The following ADGRB3 variants were observed in gnomAD, a reference collection of about 807,000 sequenced individuals.
ADGRB3 encodes the protein brain-specific angiogenesis inhibitor 3.
A neutral mutation model predicts 193.4 loss-of-function variants in ADGRB3; 37 were observed. The ratio of observed to expected loss-of-function variants is 0.19; its 90% CI spans 0.15 to 0.25. The LOEUF is 0.25. Among genes scored for constraint, ADGRB3 ranks in the 10% least tolerant of loss-of-function variants. The pLI is 1.00. For missense variants in ADGRB3, 1,637 were observed against 1,852.9 expected, an observed-to-expected ratio of 0.88 and a Z score of 2.14; for synonymous variants, 690 against 644.2, an observed-to-expected ratio of 1.07 and a Z score of -1.08.
intron 3 of ADGRB3, among the ~76,000 whole-genome samples, chr6:68,641,970 A>T (rs994965240): frequency 3.3e-5 from 5 of 152,048 alleles, no homozygotes; most frequent in Non-Finnish European, 5.9e-5. Flanking sequence ...ATCATATCTC[A>T]TTTTATTCCA....
intron 3 of ADGRB3, among the ~76,000 whole-genome samples, chr6:68,920,949 A>G (rs1562086587): frequency 6.6e-6 from 1 of 152,212 alleles, no homozygotes; most frequent in Non-Finnish European, 1.5e-5. Flanking sequence ...ATGCTGATTA[A>G]TTAAAGAGAT....
intron 17 of ADGRB3, among the ~76,000 whole-genome samples, chr6:69,166,864 AAT>A (rs772773242): frequency 2.7e-4 from 41 of 152,170 alleles, no homozygotes; most frequent in Non-Finnish European, 5.3e-4. Flanking sequence ...ACTCTCAGTC[AAT>A]GTTTGCTCCC....
At chr6:68,770,064 T>C (rs1221299357) in intron 3 of ADGRB3, among the ~76,000 whole-genome samples, 15 of 152,154 alleles carry the variant, frequency 9.9e-5, no homozygotes, top group Admixed American at 8.5e-4. Context: ...ATTATCTTAA[T>C]AGAAAGAGAA....
rs572676633 is a variant in ADGRB3 at position 68,801,631 on chromosome 6, G to A, written c.758-128928G>A. ...TTGAACGCGGGAGGCAGAGGTTACG[G>A]TGAGCTGAGATCCTGCCATTGCACT... On this transcript the variant is annotated intron_variant, in intron 3 of 31. Transcript: ENST00000370598. 3.9e-5 allele frequency among the ~76,000 whole-genome samples: 6 copies of A among 152,260 alleles called. No homozygotes were observed. In the East Asian group the frequency reaches 9.6e-4, roughly 24 times the overall value.
intron 24 of ADGRB3, among the ~76,000 whole-genome samples, chr6:69,333,482 T>C (rs1042991878): frequency 6.6e-6 from 1 of 152,122 alleles, no homozygotes; most frequent in Non-Finnish European, 1.5e-5. Context: ...AATAATTACT[T>C]ATCAAGCACT....
At chr6:69,331,228 C>G (rs954952264) in intron 23 of ADGRB3, among the ~76,000 whole-genome samples, 1 of 152,132 alleles carries the variant, frequency 6.6e-6, no homozygotes, top group Admixed American at 6.6e-5. Context: ...TTTTAAATTT[C>G]TCTTTTGAAA....
chr6:68,883,751 G>A (rs932934623), intron 3 of ADGRB3, among the ~76,000 whole-genome samples: 45 of 152,104 alleles, frequency 3.0e-4, no homozygotes, highest in Admixed American at 2.7e-3. Flanking sequence ...AACAAACGCC[G>A]GACACGTCAC....
chr6:68,694,285 A>C (rs1359057487), intron 3 of ADGRB3, among the ~76,000 whole-genome samples: 2 of 152,074 alleles, frequency 1.3e-5, no homozygotes, highest in East Asian at 3.9e-4. Flanking sequence ...ATAAGAAAGT[A>C]TACAGAGGAT....
intron 20 of ADGRB3, among the ~76,000 whole-genome samples, chr6:69,248,406 T>C (rs1766544411): frequency 1.3e-5 from 2 of 152,330 alleles, no homozygotes; most frequent in Non-Finnish European, 1.5e-5. Context: ...GCCCATGATA[T>C]GAACTTTGAG....
intron 29 of ADGRB3, among the ~76,000 whole-genome samples, chr6:69,365,308 A>C (rs903505620): frequency 3.9e-5 from 6 of 152,018 alleles, no homozygotes; most frequent in Non-Finnish European, 5.9e-5. Flanking sequence ...TGCTTTTGGA[A>C]GCACCTTGTA....
intron 3 of ADGRB3, among the ~76,000 whole-genome samples, chr6:68,851,799 C>T (rs2127391229): frequency 6.6e-6 from 1 of 151,824 alleles, no homozygotes; most frequent in East Asian, 1.9e-4. Flanking sequence ...TCCTGAACTA[C>T]TTTTCTTGTG....
intron 19 of ADGRB3, among the ~76,000 whole-genome samples, chr6:69,238,859 G>A (rs901867673): frequency 6.6e-6 from 1 of 151,686 alleles, no homozygotes; most frequent in Non-Finnish European, 1.5e-5. Context: ...GGCAACTTAG[G>A]CTCTATCAGA....
At chr6:69,332,091 C>T (rs1286596544) in intron 23 of ADGRB3, 3 of 985,168 alleles carry the variant, frequency 3.0e-6, no homozygotes, top group Non-Finnish European at 3.6e-6. Flanking sequence ...ACATATTTTT[C>T]ATTTACTCAT....
intron 16 of ADGRB3, among the ~76,000 whole-genome samples, chr6:69,073,773 C>T (rs1323126236): frequency 6.6e-6 from 1 of 152,172 alleles, no homozygotes; most frequent in Non-Finnish European, 1.5e-5. Flanking sequence ...TCAGAGCTGA[C>T]TTTGGACGTT....
intron 3 of ADGRB3, among the ~76,000 whole-genome samples, chr6:68,713,299 A>G (rs908162172): frequency 6.6e-6 from 1 of 151,880 alleles, no homozygotes; most frequent in African/African-American, 2.4e-5. Context: ...AGCATCTGCC[A>G]TTTGTTTACT....
chr6:68,695,445 A>T (rs1402198647), intron 3 of ADGRB3, among the ~76,000 whole-genome samples: 2 of 152,066 alleles, frequency 1.3e-5, no homozygotes, highest in African/African-American at 4.8e-5. Context: ...AGAGGGGAAC[A>T]AATCTAAACT....
At chr6:69,343,154 T>A (rs921871953) in intron 26 of ADGRB3, among the ~76,000 whole-genome samples, 33 of 151,828 alleles carry the variant, frequency 2.2e-4, no homozygotes, top group East Asian at 5.8e-4. Context: ...TTTTTTATTT[T>A]TTTTTATTTT....
At chr6:68,969,159 G>A (rs951796916) in intron 8 of ADGRB3, among the ~76,000 whole-genome samples, 4 of 152,014 alleles carry the variant, frequency 2.6e-5, no homozygotes, top group Admixed American at 2.6e-4. Flanking sequence ...CAACACTGGG[G>A]AATTGGGGAG....
At chr6:69,074,923 G>A (rs1181185414) in intron 16 of ADGRB3, among the ~76,000 whole-genome samples, 2 of 152,234 alleles carry the variant, frequency 1.3e-5, no homozygotes, top group Middle Eastern at 3.4e-3. Flanking sequence ...AGATAATCAT[G>A]TTTGTTTGTT....
Sources: allele counts gnomAD v4.1 joint callset (sites outside exome capture counted in the v4.1 genomes callset), GRCh38; gene constraint gnomAD v4.1.1; transcripts MANE v1.5; gene names NCBI Gene and HGNC (gene_info 2026-07-23, HGNC 2026-07-21).